DAB1: variants seen among roughly 807,000 people sequenced by gnomAD.
The protein encoded by DAB1 is DAB adaptor protein 1.
In DAB1, 15 loss-of-function variants were observed where a neutral mutation model predicts 64.6. The observed-to-expected ratio is 0.23, with a 90% CI of 0.16 to 0.36. DAB1 has a LOEUF of 0.36. Among genes scored for constraint, DAB1 ranks in the 10% least tolerant of loss-of-function variants. The pLI is 1.00. For synonymous variants in DAB1, 235 were observed against 251.9 expected (o/e 0.93, Z 0.64); for missense variants, 596 against 706.7 (o/e 0.84, Z 1.78).
intron 5 of DAB1, among the ~76,000 whole-genome samples, chr1:57,936,235 C>T (rs770389883): frequency 1.3e-5 from 2 of 152,220 alleles, no homozygotes; most frequent in African/African-American, 2.4e-5. Flanking sequence ...CTGTGATCCT[C>T]GGCTGGAGCC....
chr1:57,952,263 A>G (rs893452653), intron 5 of DAB1, among the ~76,000 whole-genome samples: 6 of 152,094 alleles, frequency 3.9e-5, no homozygotes, highest in African/African-American at 1.2e-4. Flanking sequence ...TTGGCATGGG[A>G]GTATGATGGG....
intron 1 of DAB1, chr1:57,387,387 G>A (rs1681955041): frequency 6.6e-6 from 1 of 152,090 alleles, no homozygotes; most frequent in Non-Finnish European, 1.5e-5. Flanking sequence ...ATTCTCACTG[G>A]TCCATCTTTG....
At chr1:57,622,379 G>C (rs1004236866) in intron 7 of DAB1, among the ~76,000 whole-genome samples, 1 of 152,186 alleles carries the variant, frequency 6.6e-6, no homozygotes, top group South Asian at 2.1e-4. Flanking sequence ...ATAGATATGG[G>C]TTTGAATCCA....
rs959642733 is a variant in DAB1 at position 57,291,176 on chromosome 1, A to C, written c.-136-10T>G. Reference sequence around the variant, plus strand: ...TCACTCTTTTTGAGTGCTGCAAATCAAGGCAAGAGAACATTCAGAATCATC... The same window carrying C: ...TCACTCTTTTTGAGTGCTGCAAATCCAGGCAAGAGAACATTCAGAATCATC... On this transcript the variant is annotated splice_polypyrimidine_tract_variant and intron_variant, in intron 1 of 14. Coordinates refer to ENST00000371236, the MANE Select transcript of DAB1 (RefSeq NM_001365792.1). 8.4e-6 allele frequency: 4 copies of C among 474,828 alleles called. No homozygotes were observed. The highest frequency in any genetic ancestry group is 8.0e-5 in the African/African-American group (4 of 49,994). 29.4% of individuals were successfully genotyped at this position (474,828 alleles called of 1,614,324 possible).
chr1:57,248,641 G>A (rs1358223994), intron 2 of DAB1, among the ~76,000 whole-genome samples: 1 of 152,120 alleles, frequency 6.6e-6, no homozygotes, highest in Non-Finnish European at 1.5e-5. Flanking sequence ...TGGATTTCCT[G>A]CCGTGTAATT....
intron 1 of DAB1, among the ~76,000 whole-genome samples, chr1:57,371,327 C>A (rs1038658997): frequency 1.3e-5 from 2 of 152,142 alleles, no homozygotes; most frequent in African/African-American, 2.4e-5. Context: ...GGCATATGGC[C>A]ATGGGTGTTC....
intron 5 of DAB1, among the ~76,000 whole-genome samples, chr1:58,118,503 T>TATATATATATACACACACAC (rs1341446315): frequency 1.7e-4 from 9 of 53,104 alleles, no homozygotes; most frequent in African/African-American, 9.3e-4. Flanking sequence ...TATATATATA[T>TATATATATATACACACACAC]ACACACACAC....
chr1:57,004,699 AGGTATT>A (rs1646000475), intron 14 of DAB1, among the ~76,000 whole-genome samples: 2 of 152,302 alleles, frequency 1.3e-5, no homozygotes, highest in Admixed American at 1.3e-4. Context: ...CAAATGAAAA[AGGTATT>A]GGTAGTCAGA....
chr1:57,744,611 A>G (rs964066754), intron 6 of DAB1, among the ~76,000 whole-genome samples: 1 of 152,148 alleles, frequency 6.6e-6, no homozygotes, highest in African/African-American at 2.4e-5. Flanking sequence ...AAACTATGAT[A>G]TTGGGGGTCT....
chr1:58,138,936 A>G (rs1179736501), intron 5 of DAB1, among the ~76,000 whole-genome samples: 2 of 152,148 alleles, frequency 1.3e-5, no homozygotes, highest in African/African-American at 4.8e-5. Context: ...GAATGAGTGA[A>G]TAGGTGGGTG....
At chr1:57,056,415 G>A (rs1433947712) in intron 9 of DAB1, among the ~76,000 whole-genome samples, 1 of 150,312 alleles carries the variant, frequency 6.7e-6, no homozygotes, top group Admixed American at 6.7e-5. Context: ...TGAGGCAGGA[G>A]GAGCATTTGA....
At chr1:58,527,417 CAGTTTCATG>C in intron 1 of DAB1, 2 of 748,862 alleles carry the variant, frequency 2.7e-6, no homozygotes, top group Non-Finnish European at 4.8e-6. Flanking sequence ...TTTTAAAAAA[CAGTTTCATG>C]GAGTATCTAG....
intron 5 of DAB1, among the ~76,000 whole-genome samples, chr1:57,918,238 A>G (rs1419237294): frequency 6.6e-6 from 1 of 152,176 alleles, no homozygotes; most frequent in African/African-American, 2.4e-5. Context: ...CTGTAATCCA[A>G]TAAAACTTTT....
At chr1:58,360,283 T>C (rs904425461) in intron 3 of DAB1, among the ~76,000 whole-genome samples, 2 of 152,152 alleles carry the variant, frequency 1.3e-5, no homozygotes, top group African/African-American at 4.8e-5. Flanking sequence ...TGAAGTTTTA[T>C]AGGTAGACAA....
chr1:57,210,820 G>C (rs533788600), intron 2 of DAB1, among the ~76,000 whole-genome samples: 15 of 152,220 alleles, frequency 9.9e-5, no homozygotes, highest in African/African-American at 3.6e-4. Context: ...TTTAAAAACG[G>C]GGCCAGATGA....
At chr1:58,216,505 T>C (rs1210906683) in intron 4 of DAB1, among the ~76,000 whole-genome samples, 1 of 152,242 alleles carries the variant, frequency 6.6e-6, no homozygotes, top group Non-Finnish European at 1.5e-5. Flanking sequence ...TGCATGTGTC[T>C]TTATAGTAGA....
In DAB1 at chr1:57,941,864, G is replaced by A. The variant is rs187677604; in HGVS notation, n.388-57702C>T. Among the ~76,000 whole-genome samples, 5 of 152,110 alleles carry A rather than the reference G, an allele frequency of 3.3e-5. No homozygotes were observed. The East Asian group carries it at 5.8e-4, about 18-fold the overall frequency. ...AAAAAAAGAAAAGAAATCTAATGGG[G>A]TGGTGAAAAAAAGGTACTAATAAGT... On this transcript the variant is annotated intron_variant and non_coding_transcript_variant, in intron 5 of 20. Coordinates refer to the DAB1 transcript ENST00000485760.
chr1:57,945,209 C>T (rs1018768003), intron 5 of DAB1, among the ~76,000 whole-genome samples: 5 of 152,108 alleles, frequency 3.3e-5, no homozygotes, highest in African/African-American at 1.2e-4. Context: ...TCCAATCATG[C>T]TCTCACTGAA....
chr1:57,133,931 C>A (rs138879049), intron 4 of DAB1, among the ~76,000 whole-genome samples: 67 of 152,220 alleles, frequency 4.4e-4, no homozygotes, highest in African/African-American at 1.6e-3. Flanking sequence ...GTAAACTGTT[C>A]CTGCTCATAA....
Sources: gnomAD v4.1 joint callset for allele counts (sites outside exome capture counted in the v4.1 genomes callset) on GRCh38, gnomAD v4.1.1 for gene constraint, MANE v1.5 for transcripts, NCBI Gene and HGNC (gene_info 2026-07-23, HGNC 2026-07-21) for gene names.